The following RORB variants were observed in gnomAD, a reference collection of about 807,000 sequenced individuals.
RORB encodes the protein RAR related orphan receptor B.
Under a neutral mutation model 59.1 loss-of-function variants are expected in RORB, and 6 were observed. The ratio of observed to expected loss-of-function variants is 0.10; its 90% CI spans 0.06 to 0.20. RORB has a LOEUF of 0.20. Ranked by LOEUF, RORB falls within the 10% of genes least tolerant of loss-of-function variation. The pLI is 1.00. For synonymous variants in RORB, 215 were observed against 204.5 expected (o/e 1.05, Z -0.44); for missense variants, 320 against 560.5 (o/e 0.57, Z 4.33).
In RORB at chr9:74,555,637, G is replaced by A. The variant is rs537238564; in HGVS notation, c.7+57654G>A. On this transcript the variant is annotated intron_variant, in intron 1 of 9. Coordinates refer to ENST00000376896, the MANE Select transcript of RORB (RefSeq NM_006914.4). ...TCAGAAGTATGCATCTTGAAAGAAC[G>A]TAGGTCTTGGATGGCAGCTCCCTGT... Among the ~76,000 whole-genome samples the A allele has an allele frequency of 2.0e-4, 30 of 152,316 alleles. No individual in the cohort carries two copies. The South Asian group carries it at 5.6e-3, about 28-fold the overall frequency.
In RORB at chr9:74,587,490, C is replaced by T. The variant is rs573063135; in HGVS notation, c.8-42792C>T. Among the ~76,000 whole-genome samples, 223 of 152,236 alleles carry T rather than the reference C, an allele frequency of 1.5e-3. 1 individual carries two copies. Among genetic ancestry groups the T allele is most frequent in the African/African-American group, 5.0e-3 (208 of 41,524 alleles). ...CTTAAACTACCCCAAAACTTAGGAA[C>T]CTGTAAAAACAAACATGTATTATTA... On this transcript the variant is annotated intron_variant, in intron 1 of 9. Coordinates refer to ENST00000376896, the MANE Select transcript of RORB (RefSeq NM_006914.4).
chr9:74,678,761 C>T (rs1563972692), intron 9 of RORB, among the ~76,000 whole-genome samples: 2 of 152,056 alleles, frequency 1.3e-5, no homozygotes, highest in Non-Finnish European at 2.9e-5. Flanking sequence ...ATGGGCCAGG[C>T]GCTATGGCTC....
At chr9:74,539,936 T>C (rs1400514769) in intron 1 of RORB, among the ~76,000 whole-genome samples, 1 of 150,766 alleles carries the variant, frequency 6.6e-6, no homozygotes, top group Non-Finnish European at 1.5e-5. Context: ...CCCTAAGTCA[T>C]CTCCCAGACA....
chr9:74,576,823 T>C (rs1822643347), intron 1 of RORB, among the ~76,000 whole-genome samples: 1 of 152,122 alleles, frequency 6.6e-6, no homozygotes, highest in Non-Finnish European at 1.5e-5. Flanking sequence ...GGGTACTACA[T>C]GCCATGTACC....
chr9:74,536,947 C>T (rs1826331337), intron 1 of RORB, among the ~76,000 whole-genome samples: 1 of 152,002 alleles, frequency 6.6e-6, no homozygotes, highest in African/African-American at 2.4e-5. Flanking sequence ...TAATATCGCA[C>T]TTTTATTCTT....
chr9:74,550,371 C>T (rs1283732280), intron 1 of RORB, among the ~76,000 whole-genome samples: 1 of 152,174 alleles, frequency 6.6e-6, no homozygotes, highest in Non-Finnish European at 1.5e-5. Context: ...TTAACTTTGA[C>T]CACAAATCAG....
intron 6 of RORB, among the ~76,000 whole-genome samples, chr9:74,663,322 C>G (rs1171531602): frequency 3.9e-5 from 6 of 152,082 alleles, no homozygotes; most frequent in Non-Finnish European, 7.4e-5. Flanking sequence ...TTATGTTTCC[C>G]TATGACATCT....
In RORB at chr9:74,662,666, C is replaced by T. The variant is rs1378828392; in HGVS notation, c.892+60C>T. 3 of 1,573,098 alleles carry T rather than the reference C, an allele frequency of 1.9e-6. No individual in the cohort carries two copies. In the African/African-American group the frequency reaches 4.0e-5, roughly 21 times the overall value. On this transcript the variant is annotated intron_variant, in intron 6 of 9. Coordinates refer to ENST00000376896, the MANE Select transcript of RORB (RefSeq NM_006914.4). Reference sequence around the variant, plus strand: ...ATAAGGATGTGGTCAGCCCTTAGCACTGTGTTGGTTCTAGAAAATCCTCCT... The same window carrying T: ...ATAAGGATGTGGTCAGCCCTTAGCATTGTGTTGGTTCTAGAAAATCCTCCT...
intron 1 of RORB, among the ~76,000 whole-genome samples, chr9:74,622,846 C>A (rs1000009199): frequency 1.3e-5 from 2 of 151,876 alleles, no homozygotes; most frequent in African/African-American, 2.4e-5. Context: ...TCTTATAGGC[C>A]CAGGGTAGGA....
At chr9:74,657,336 A>G (rs1232688955) in intron 4 of RORB, among the ~76,000 whole-genome samples, 1 of 152,062 alleles carries the variant, frequency 6.6e-6, no homozygotes, top group Non-Finnish European at 1.5e-5. Flanking sequence ...AAGGGCTGGG[A>G]TTACAGGCGT....
intron 1 of RORB, among the ~76,000 whole-genome samples, chr9:74,525,796 G>A (rs770643445): frequency 2.0e-5 from 3 of 151,848 alleles, no homozygotes; most frequent in African/African-American, 4.8e-5. Context: ...AACCCTTTGC[G>A]TCCCGAAATT....
At chr9:74,535,376 C>G (rs1036408611) in intron 1 of RORB, among the ~76,000 whole-genome samples, 2 of 151,934 alleles carry the variant, frequency 1.3e-5, no homozygotes, top group East Asian at 1.9e-4. Flanking sequence ...AAGGGAATGC[C>G]TGGCTAATGA....
chr9:74,545,836 TATC>T (rs1826477920), intron 1 of RORB, among the ~76,000 whole-genome samples: 1 of 152,226 alleles, frequency 6.6e-6, no homozygotes, highest in Non-Finnish European at 1.5e-5. Context: ...ATATATCTAT[TATC>T]ATTGGCATAA....
At chr9:74,610,315 A>C (rs1419551829) in intron 1 of RORB, among the ~76,000 whole-genome samples, 1 of 152,242 alleles carries the variant, frequency 6.6e-6, no homozygotes, top group Admixed American at 6.5e-5. Flanking sequence ...TGATTTTAAC[A>C]TGCAGCCAAG....
chr9:74,507,957 C>A (rs189230215), intron 1 of RORB, among the ~76,000 whole-genome samples: 2 of 151,896 alleles, frequency 1.3e-5, no homozygotes, highest in East Asian at 3.9e-4. Flanking sequence ...TCCTTCTTGG[C>A]AATACTTTAT....
chr9:74,635,366 C>A (rs1823684181), intron 3 of RORB, among the ~76,000 whole-genome samples: 1 of 152,128 alleles, frequency 6.6e-6, no homozygotes, highest in Non-Finnish European at 1.5e-5. Flanking sequence ...AATGTCATAC[C>A]TTCTACACTC....
rs60719147 is a variant in RORB at position 74,658,004 on chromosome 9, CAAAAA to C, written c.638-2593_638-2589del. On this transcript the variant is annotated intron_variant, in intron 4 of 9. Coordinates refer to ENST00000376896, the MANE Select transcript of RORB (RefSeq NM_006914.4). Reference sequence around the variant, plus strand: ...GGGGCAACACAGTGAGACTCGGTCTCAAAAAAAAAAAAAAAAAAAAAAAAGAAAAG... The same window carrying C: ...GGGGCAACACAGTGAGACTCGGTCTCAAAAAAAAAAAAAAAAAAAGAAAAG... Among the ~76,000 whole-genome samples the C allele has an allele frequency of 5.6e-3, 551 of 97,746 alleles. 4 individuals carry two copies. The highest frequency in any genetic ancestry group is 0.021 in the African/African-American group (454 of 22,018). 64.1% of individuals were successfully genotyped at this position (97,746 alleles called of 152,430 possible). A position where few individuals can be genotyped will look rare whatever the true frequency, so the allele number is the denominator to read the frequency against.
At chr9:74,673,219 T>C (rs1174193283) in intron 9 of RORB, among the ~76,000 whole-genome samples, 1 of 152,208 alleles carries the variant, frequency 6.6e-6, no homozygotes, top group Non-Finnish European at 1.5e-5. Context: ...AATGTAAATA[T>C]ATGCATGTGT....
At chr9:74,597,913 G>A (rs141823995) in intron 1 of RORB, among the ~76,000 whole-genome samples, 2,155 of 151,888 alleles carry the variant, frequency 0.014, 52 homozygotes, top group African/African-American at 0.049. Context: ...AGCCGAGATC[G>A]CGCCATTGCA....
Sources: gnomAD v4.1 joint callset for allele counts (sites outside exome capture counted in the v4.1 genomes callset) on GRCh38, gnomAD v4.1.1 for gene constraint, MANE v1.5 for transcripts, NCBI Gene and HGNC (gene_info 2026-07-23, HGNC 2026-07-21) for gene names.